Variants in TXLNG observed in about 807,000 individuals in gnomAD.
The protein encoded by TXLNG is gamma-taxilin.
Under a neutral mutation model 38.8 loss-of-function variants are expected in TXLNG, and 5 were observed. The ratio of observed to expected loss-of-function variants is 0.13; its 90% CI spans 0.07 to 0.27. TXLNG has a LOEUF of 0.27. Ranked by LOEUF, TXLNG falls within the 10% of genes least tolerant of loss-of-function variation. TXLNG has a pLI of 1.00. For synonymous variants in TXLNG, 182 were observed against 158.2 expected (o/e 1.15, Z -1.13); for missense variants, 393 against 398.2 (o/e 0.99, Z 0.11).
chrX:16,787,068 T>C (rs913931727), intron 1 of TXLNG, among the ~76,000 whole-genome samples: 124 of 113,004 alleles, frequency 1.1e-3, no homozygotes, highest in Non-Finnish European at 2.1e-3. Context: ...GCCCCCGGGC[T>C]GCTCAGGCTA....
At chrX:16,817,943 C>CT (rs1341836414) in intron 1 of TXLNG, among the ~76,000 whole-genome samples, 10 of 112,105 alleles carry the variant, frequency 8.9e-5, no homozygotes, top group African/African-American at 3.2e-4. Flanking sequence ...TCTGCCATCC[C>CT]TTAGGGTCTT....
intron 3 of TXLNG, among the ~76,000 whole-genome samples, chrX:16,821,347 G>A (rs1928950536): frequency 9.2e-6 from 1 of 109,284 alleles, no homozygotes; most frequent in Non-Finnish European, 1.9e-5. Flanking sequence ...CACCGTGTTA[G>A]CCAGGATGCT....
At chrX:16,812,479 C>T (rs80149217) in intron 1 of TXLNG, among the ~76,000 whole-genome samples, 14 of 103,878 alleles carry the variant, frequency 1.3e-4, no homozygotes, top group Admixed American at 3.1e-4. Context: ...CTGCAACCTC[C>T]GCCTCCCAGG....
intron 1 of TXLNG, among the ~76,000 whole-genome samples, chrX:16,816,379 C>T (rs1928745166): frequency 8.9e-6 from 1 of 112,330 alleles, no homozygotes; most frequent in Admixed American, 9.5e-5. Context: ...CCTCTCCCAC[C>T]CCAAGAGACG....
At chrX:16,795,472 A>G (rs1397900787) in intron 1 of TXLNG, among the ~76,000 whole-genome samples, 1 of 112,061 alleles carries the variant, frequency 8.9e-6, no homozygotes, top group Non-Finnish European at 1.9e-5. Context: ...CTGTGTCCAA[A>G]GTAGACCTTT....
chrX:16,811,698 C>G (rs1262324736), intron 1 of TXLNG, among the ~76,000 whole-genome samples: 1 of 105,933 alleles, frequency 9.4e-6, no homozygotes, highest in East Asian at 3.0e-4. Context: ...GTGCAGTGAC[C>G]CGATCTCGGC....
intron 1 of TXLNG, among the ~76,000 whole-genome samples, chrX:16,816,004 C>T (rs1569266950): frequency 9.0e-6 from 1 of 110,768 alleles, no homozygotes; most frequent in Non-Finnish European, 1.9e-5. Context: ...TGAATTATCA[C>T]TTTGCATCTG....
intron 1 of TXLNG, among the ~76,000 whole-genome samples, chrX:16,809,811 T>C (rs1396368959): frequency 8.9e-6 from 1 of 111,957 alleles, no homozygotes; most frequent in Non-Finnish European, 1.9e-5. Context: ...TACATATATA[T>C]AGTGCGTATA....
intron 1 of TXLNG, among the ~76,000 whole-genome samples, chrX:16,794,995 T>C (rs747899310): frequency 9.0e-6 from 1 of 111,641 alleles, no homozygotes; most frequent in Non-Finnish European, 1.9e-5. Context: ...AAGAATAATT[T>C]AGCTGGGCGC....
chrX:16,808,541 AC>A (rs747685376), intron 1 of TXLNG, among the ~76,000 whole-genome samples: 23 of 111,397 alleles, frequency 2.1e-4, no homozygotes, highest in African/African-American at 6.5e-4. Flanking sequence ...GTCCCCACTC[AC>A]CCAGTTTGTC....
chrX:16,808,206 T>A (rs942190347), intron 1 of TXLNG, among the ~76,000 whole-genome samples: 5 of 111,291 alleles, frequency 4.5e-5, no homozygotes, highest in Non-Finnish European at 9.4e-5. Context: ...TTTAAGGCTC[T>A]TGTAAACAAA....
At chrX:16,831,812 GTCTGTGGTGCTCTCAATACA>G (rs1338617108) in intron 5 of TXLNG, among the ~76,000 whole-genome samples, 2 of 111,866 alleles carry the variant, frequency 1.8e-5, no homozygotes, top group Non-Finnish European at 3.8e-5. Flanking sequence ...CTTGAGAGCA[GTCTGTGGTGCTCTCAATACA>G]TAGTTAGACC....
At position 16,803,641 on chromosome X, in the gene TXLNG, C is replaced by A. The variant is rs1928202495; in HGVS notation, c.103-14933C>A. On this transcript the variant is annotated intron_variant, in intron 1 of 9. Transcript: ENST00000380122. ...TACAGGCGTGAACCACTGCGCCTGG[C>A]CAATACCCAGCTATTTAAGAAGCAC... is the stretch of plus-strand genomic sequence containing the variant. Among the ~76,000 whole-genome samples the A allele has an allele frequency of 8.8e-5, 9 of 102,294 alleles. No individual in the cohort carries two copies. In the South Asian group the frequency reaches 4.7e-3, roughly 53 times the overall value. 88.8% of individuals were successfully genotyped at this position (102,294 alleles called of 115,157 possible). A position where few individuals can be genotyped will look rare whatever the true frequency, so the allele number is the denominator to read the frequency against.
chrX:16,832,282 T>TA (rs1210097844), intron 5 of TXLNG, among the ~76,000 whole-genome samples: 2 of 112,387 alleles, frequency 1.8e-5, no homozygotes, highest in East Asian at 5.6e-4. Flanking sequence ...GCTCTTCTTA[T>TA]CCTTCTTTGT....
At chrX:16,798,105 G>A (rs922043374) in intron 1 of TXLNG, among the ~76,000 whole-genome samples, 9 of 112,300 alleles carry the variant, frequency 8.0e-5, no homozygotes, top group Admixed American at 1.9e-4. Flanking sequence ...TCTGTCTTGC[G>A]TGTCAAATGG....
In TXLNG at chrX:16,844,357, T is replaced by G. The variant is rs1345806202; in HGVS notation, c.*2591T>G. 8.9e-6 allele frequency: 1 copy of G among 112,577 alleles called. No individual in the cohort carries two copies. The highest frequency in any genetic ancestry group is 3.2e-5 in the African/African-American group (1 of 30,982). 9.3% of individuals were successfully genotyped at this position (112,577 alleles called of 1,213,427 possible). A position where few individuals can be genotyped will look rare whatever the true frequency, so the allele number is the denominator to read the frequency against. ...ATCTTCTAGTTTGTGCTAAACACACTGCTTTATTTTTACAGCCCACGTCTT... is the reference window on the plus strand; with the variant it reads ...ATCTTCTAGTTTGTGCTAAACACACGGCTTTATTTTTACAGCCCACGTCTT... On this transcript the variant is annotated 3_prime_UTR_variant, in exon 10 of 10. Coordinates refer to ENST00000380122, the MANE Select transcript of TXLNG (RefSeq NM_018360.3).
intron 1 of TXLNG, among the ~76,000 whole-genome samples, chrX:16,807,049 A>C (rs1198621239): frequency 1.8e-5 from 2 of 111,291 alleles, no homozygotes; most frequent in Non-Finnish European, 3.8e-5. Context: ...GGGCCACTGC[A>C]CTCCAGCCTG....
At chrX:16,788,382 T>G (rs1293244609) in intron 1 of TXLNG, among the ~76,000 whole-genome samples, 1 of 112,255 alleles carries the variant, frequency 8.9e-6, no homozygotes, top group Non-Finnish European at 1.9e-5. Context: ...TCATTTTTGT[T>G]TATGTACCTC....
intron 1 of TXLNG, among the ~76,000 whole-genome samples, chrX:16,810,625 T>C (rs2019612295): frequency 8.9e-6 from 1 of 112,458 alleles, no homozygotes; most frequent in Non-Finnish European, 1.9e-5. Context: ...AAATTAGTTG[T>C]ACAAGAGAGA....
Sources: allele counts gnomAD v4.1 joint callset (sites outside exome capture counted in the v4.1 genomes callset), GRCh38; gene constraint gnomAD v4.1.1; transcripts MANE v1.5; gene names NCBI Gene and HGNC (gene_info 2026-07-23, HGNC 2026-07-21).